The following OLFM3 variants were observed in gnomAD, a reference collection of about 807,000 sequenced individuals.
The protein encoded by OLFM3 is noelin-3.
Under a neutral mutation model 48.6 loss-of-function variants are expected in OLFM3, and 20 were observed. That is an observed-to-expected ratio of 0.41 (90% confidence interval 0.29 to 0.60). OLFM3 has a LOEUF of 0.60. OLFM3 is among the 20% of genes least tolerant of loss of function. OLFM3 has a pLI of 0.28. For synonymous variants in OLFM3, 222 were observed against 198.1 expected (o/e 1.12, Z -1.01); for missense variants, 437 against 544.3 (o/e 0.80, Z 1.96).
At chr1:101,891,710 A>G (rs1658006007) in intron 1 of OLFM3, among the ~76,000 whole-genome samples, 1 of 152,016 alleles carries the variant, frequency 6.6e-6, no homozygotes, top group African/African-American at 2.4e-5. Flanking sequence ...TAGCTATTAA[A>G]GAAAATAAAT....
intron 4 of OLFM3, among the ~76,000 whole-genome samples, chr1:101,821,354 AT>A (rs1254959887): frequency 6.6e-6 from 1 of 152,036 alleles, no homozygotes; most frequent in Non-Finnish European, 1.5e-5. Flanking sequence ...TATATATAAT[AT>A]AACAACATAT....
At chr1:101,960,168 T>C (rs12040144) in intron 1 of OLFM3, among the ~76,000 whole-genome samples, 37,850 of 152,108 alleles carry the variant, frequency 0.25, 4,984 homozygotes, top group Middle Eastern at 0.33. Context: ...CAGTGGTTGG[T>C]ACCTAGAGAG....
At chr1:101,945,000 A>T (rs571737718) in intron 1 of OLFM3, among the ~76,000 whole-genome samples, 2 of 152,350 alleles carry the variant, frequency 1.3e-5, no homozygotes, top group South Asian at 4.1e-4. Context: ...ATATACCACT[A>T]CACACATTTA....
intron 1 of OLFM3, among the ~76,000 whole-genome samples, chr1:101,953,692 A>T: frequency 6.6e-6 from 1 of 152,192 alleles, no homozygotes; most frequent in African/African-American, 2.4e-5. Flanking sequence ...TGTTTAGTTC[A>T]GTCCAGTAAG....
At chr1:101,961,644 G>C (rs1375714792) in intron 1 of OLFM3, among the ~76,000 whole-genome samples, 3 of 152,232 alleles carry the variant, frequency 2.0e-5, no homozygotes, top group African/African-American at 7.2e-5. Context: ...TTTCAAAACA[G>C]AGGAGATAGC....
At chr1:101,956,249 T>TATAAA (rs757824229) in intron 1 of OLFM3, among the ~76,000 whole-genome samples, 8 of 151,764 alleles carry the variant, frequency 5.3e-5, no homozygotes, top group African/African-American at 1.9e-4. Context: ...GATATTTGAT[T>TATAAA]ATAAAATAAA....
intron 1 of OLFM3, among the ~76,000 whole-genome samples, chr1:101,877,613 T>C (rs1284301371): frequency 6.6e-6 from 1 of 151,848 alleles, no homozygotes; most frequent in Admixed American, 6.6e-5. Context: ...GAGGGAATGA[T>C]AAACAGGTAA....
chr1:101,933,230 G>C (rs1285503246), intron 1 of OLFM3, among the ~76,000 whole-genome samples: 1 of 102,164 alleles, frequency 9.8e-6, no homozygotes, highest in African/African-American at 3.6e-5. Context: ...AAAAAAAAAA[G>C]AGAAAAAAGA....
intron 4 of OLFM3, among the ~76,000 whole-genome samples, chr1:101,812,245 T>A (rs1202297470): frequency 6.6e-6 from 1 of 152,004 alleles, no homozygotes; most frequent in Non-Finnish European, 1.5e-5. Flanking sequence ...AATGACGAGT[T>A]AATGGGTGCA....
chr1:101,901,187 G>A (rs1005508661), intron 1 of OLFM3, among the ~76,000 whole-genome samples: 1 of 152,068 alleles, frequency 6.6e-6, no homozygotes, highest in Non-Finnish European at 1.5e-5. Context: ...TACATTCTAA[G>A]AAGTTTACAT....
chr1:101,885,534 C>T (rs1482017330), intron 1 of OLFM3, among the ~76,000 whole-genome samples: 1 of 152,088 alleles, frequency 6.6e-6, no homozygotes, highest in African/African-American at 2.4e-5. Flanking sequence ...ATCTCCTTCA[C>T]CTCTTCTGCC....
At chr1:101,910,195 G>C in intron 1 of OLFM3, 1 of 936,012 alleles carries the variant, frequency 1.1e-6, no homozygotes, top group African/African-American at 1.8e-5. Context: ...GACCGGGCGC[G>C]GTCGCTCACG....
intron 1 of OLFM3, among the ~76,000 whole-genome samples, chr1:101,956,920 A>C (rs893877386): frequency 6.6e-6 from 1 of 151,856 alleles, no homozygotes; most frequent in Non-Finnish European, 1.5e-5. Context: ...TTACTCCTCT[A>C]TCTTCCTAAT....
chr1:101,977,321 G>A (rs371240485), intron 1 of OLFM3, among the ~76,000 whole-genome samples: 29 of 152,162 alleles, frequency 1.9e-4, no homozygotes, highest in East Asian at 1.3e-3. Context: ...CCTTGTTTAA[G>A]AGTTAGAACA....
chr1:101,972,793 T>C (rs1406411740), intron 1 of OLFM3, among the ~76,000 whole-genome samples: 1 of 152,224 alleles, frequency 6.6e-6, no homozygotes, highest in African/African-American at 2.4e-5. Context: ...CTCAAAAGCT[T>C]AGACCCTCCT....
intron 1 of OLFM3, among the ~76,000 whole-genome samples, chr1:101,891,548 C>T (rs11800637): frequency 6.6e-6 from 1 of 151,714 alleles, no homozygotes; most frequent in African/African-American, 2.4e-5. Flanking sequence ...AAAATTTGGA[C>T]CATCCTCTCA....
intron 1 of OLFM3, among the ~76,000 whole-genome samples, chr1:101,991,006 A>ATATATATAT (rs1428727617): frequency 1.0e-5 from 1 of 97,596 alleles, no homozygotes; most frequent in African/African-American, 4.1e-5. Flanking sequence ...AAAAAAAAAA[A>ATATATATAT]AAAAAAAAAA....
At chr1:101,890,971 G>A (rs1657971709) in intron 1 of OLFM3, among the ~76,000 whole-genome samples, 2 of 151,926 alleles carry the variant, frequency 1.3e-5, no homozygotes, top group Non-Finnish European at 1.5e-5. Context: ...AGTCTTTCAT[G>A]CCTTATGCAA....
intron 1 of OLFM3, among the ~76,000 whole-genome samples, chr1:101,940,933 A>G (rs1195963517): frequency 4.6e-5 from 7 of 152,118 alleles, no homozygotes; most frequent in Non-Finnish European, 1.0e-4. Context: ...GTTACAACAC[A>G]GTGTCTTATT....
Sources: gnomAD v4.1 joint callset for allele counts (sites outside exome capture counted in the v4.1 genomes callset) on GRCh38, gnomAD v4.1.1 for gene constraint, MANE v1.5 for transcripts, NCBI Gene and HGNC (gene_info 2026-07-23, HGNC 2026-07-21) for gene names.